Variants in SEMA3E observed in about 807,000 individuals in gnomAD.
SEMA3E encodes the protein semaphorin 3E.
SEMA3E carries 49 observed loss-of-function variants against 93.6 expected under a neutral mutation model. The observed-to-expected ratio is 0.52, with a 90% CI of 0.42 to 0.66. SEMA3E has a LOEUF of 0.66. Ranked by LOEUF, SEMA3E falls within the 30% of genes least tolerant of loss-of-function variation. The probability of loss-of-function intolerance (pLI) is 0.00; values close to 1 mark genes in which losing one functional copy is unlikely to be tolerated. For missense variants in SEMA3E, 906 were observed against 964.8 expected (o/e 0.94, Z 0.81); for synonymous variants, 363 against 330.7 (o/e 1.10, Z -1.06).
chr7:83,426,396 T>G (rs1404528612), intron 4 of SEMA3E, among the ~76,000 whole-genome samples: 1 of 1,860 alleles, frequency 5.4e-4, no homozygotes, highest in Non-Finnish European at 4.7e-3. Flanking sequence ...CACACAGTCA[T>G]AAAAATAAAA....
At chr7:83,528,119 G>T (rs906856488) in intron 1 of SEMA3E, among the ~76,000 whole-genome samples, 12 of 151,898 alleles carry the variant, frequency 7.9e-5, no homozygotes, top group Non-Finnish European at 1.6e-4. Flanking sequence ...GTAGGAAAAA[G>T]TAACTGTCAT....
chr7:83,442,698 C>T (rs1244738839), intron 4 of SEMA3E, among the ~76,000 whole-genome samples: 1 of 151,978 alleles, frequency 6.6e-6, no homozygotes, highest in African/African-American at 2.4e-5. Context: ...TTCCCTACAA[C>T]TGTATGTTTA....
intron 1 of SEMA3E, among the ~76,000 whole-genome samples, chr7:83,597,894 T>C (rs532430143): frequency 2.0e-5 from 3 of 152,286 alleles, no homozygotes; most frequent in South Asian, 4.1e-4. Flanking sequence ...AGCTAAAATA[T>C]TATATGTATA....
intron 2 of SEMA3E, among the ~76,000 whole-genome samples, chr7:83,478,053 T>A (rs1161183350): frequency 2.0e-5 from 3 of 152,078 alleles, no homozygotes; most frequent in Non-Finnish European, 2.9e-5. Context: ...CCCAACTAGC[T>A]GGGATTACAG....
intron 1 of SEMA3E, among the ~76,000 whole-genome samples, chr7:83,527,866 A>T (rs1181453489): frequency 1.3e-5 from 2 of 152,074 alleles, no homozygotes; most frequent in African/African-American, 4.8e-5. Flanking sequence ...TTACACAGTG[A>T]TTATATTTAA....
intron 1 of SEMA3E, among the ~76,000 whole-genome samples, chr7:83,559,987 C>G (rs1435871433): frequency 6.6e-6 from 1 of 151,722 alleles, no homozygotes; most frequent in Admixed American, 6.6e-5. Context: ...TGTATGATTC[C>G]AACTATATGG....
chr7:83,556,605 G>C (rs769072486), intron 1 of SEMA3E, among the ~76,000 whole-genome samples: 2 of 152,138 alleles, frequency 1.3e-5, no homozygotes, highest in Non-Finnish European at 2.9e-5. Flanking sequence ...GGTACAAGTA[G>C]CAGGCATGCC....
At chr7:83,382,082 C>A in intron 16 of SEMA3E, among the ~76,000 whole-genome samples, 1 of 152,010 alleles carries the variant, frequency 6.6e-6, no homozygotes, top group East Asian at 1.9e-4. Flanking sequence ...AATCCCAGAA[C>A]TTCTGCTATA....
chr7:83,524,996 T>C (rs766547023), intron 1 of SEMA3E, among the ~76,000 whole-genome samples: 30 of 152,028 alleles, frequency 2.0e-4, no homozygotes, highest in Admixed American at 8.5e-4. Context: ...CTACTCTTTC[T>C]TGGCTAATCA....
At chr7:83,466,914 C>A (rs1188462057) in intron 3 of SEMA3E, among the ~76,000 whole-genome samples, 1 of 152,112 alleles carries the variant, frequency 6.6e-6, no homozygotes, top group Non-Finnish European at 1.5e-5. Flanking sequence ...TGTAAAAATT[C>A]TCATGACAAT....
chr7:83,609,217 G>A (rs1339819748), intron 1 of SEMA3E, among the ~76,000 whole-genome samples: 1 of 151,928 alleles, frequency 6.6e-6, no homozygotes, highest in Non-Finnish European at 1.5e-5. Context: ...AACAGTGTAT[G>A]TCAGTCCCCT....
intron 1 of SEMA3E, among the ~76,000 whole-genome samples, chr7:83,624,167 C>T (rs10229004): frequency 0.33 from 50,181 of 151,930 alleles, 10,133 homozygotes; most frequent in African/African-American, 0.56. Context: ...CTATTGTGAA[C>T]AGTGCTGCAA....
In SEMA3E at chr7:83,381,568, A is replaced by G. The variant is rs540312176; in HGVS notation, c.1875+3726T>C. 1.8e-4 allele frequency among the ~76,000 whole-genome samples: 27 copies of G among 152,072 alleles called. 1 individual carries two copies. In the South Asian group the frequency reaches 5.6e-3, roughly 31 times the overall value. ...ATTTTTTTCTTTATCATTATCTGAT[A>G]TATTTAATATCATTCTTAGTCATTA... On this transcript the variant is annotated intron_variant, in intron 16 of 16. Transcript: ENST00000643230.
chr7:83,378,447 C>G (rs1004066490), intron 16 of SEMA3E, among the ~76,000 whole-genome samples: 4 of 151,780 alleles, frequency 2.6e-5, no homozygotes, highest in Admixed American at 6.6e-5. Context: ...AAAAAGAAAA[C>G]AAAACAAAAT....
chr7:83,635,895 A>AACC (rs1562864645), intron 1 of SEMA3E, among the ~76,000 whole-genome samples: 29 of 151,214 alleles, frequency 1.9e-4, no homozygotes, highest in African/African-American at 7.1e-4. Context: ...AAAAAAAAAA[A>AACC]TCTTGCTTTG....
intron 1 of SEMA3E, among the ~76,000 whole-genome samples, chr7:83,561,206 T>A (rs978719043): frequency 3.3e-5 from 5 of 152,120 alleles, no homozygotes; most frequent in Non-Finnish European, 5.9e-5. Flanking sequence ...TCACGGTTTT[T>A]CAACATGAAG....
At chr7:83,606,921 AAATACTAT>A (rs1353190745) in intron 1 of SEMA3E, among the ~76,000 whole-genome samples, 2 of 152,190 alleles carry the variant, frequency 1.3e-5, no homozygotes, top group East Asian at 3.9e-4. Flanking sequence ...TTAAAGCTAA[AAATACTAT>A]CATTTCACAA....
At chr7:83,574,311 GTA>G (rs1792354443) in intron 1 of SEMA3E, among the ~76,000 whole-genome samples, 1 of 152,052 alleles carries the variant, frequency 6.6e-6, no homozygotes, top group Non-Finnish European at 1.5e-5. Context: ...TTTCCTTGTA[GTA>G]TAAATGAGAA....
chr7:83,550,931 T>G (rs1322970934), intron 1 of SEMA3E, among the ~76,000 whole-genome samples: 1 of 151,970 alleles, frequency 6.6e-6, no homozygotes, highest in African/African-American at 2.4e-5. Flanking sequence ...ATATAAAAAG[T>G]TTTCAACCTC....
Sources: gnomAD v4.1 joint callset for allele counts (sites outside exome capture counted in the v4.1 genomes callset) on GRCh38, gnomAD v4.1.1 for gene constraint, MANE v1.5 for transcripts, NCBI Gene and HGNC (gene_info 2026-07-23, HGNC 2026-07-21) for gene names.